MTA3: variants seen among roughly 807,000 people sequenced by gnomAD.
The protein encoded by MTA3 is metastasis associated 1 family member 3.
A neutral mutation model predicts 83.5 loss-of-function variants in MTA3; 34 were observed. The ratio of observed to expected loss-of-function variants is 0.41; its 90% CI spans 0.31 to 0.54. The LOEUF is 0.54. Among genes scored for constraint, MTA3 ranks in the 20% least tolerant of loss-of-function variants. The pLI is 0.33. For missense variants in MTA3, 761 were observed against 726.4 expected, an observed-to-expected ratio of 1.05 and a Z score of -0.55; for synonymous variants, 303 against 252.7, an observed-to-expected ratio of 1.20 and a Z score of -1.89.
At chr2:42,589,217 A>G (rs1368932435) in intron 3 of MTA3, among the ~76,000 whole-genome samples, 1 of 152,192 alleles carries the variant, frequency 6.6e-6, no homozygotes, top group Admixed American at 6.6e-5. Flanking sequence ...TAATGAAGTA[A>G]TGTTCATTAA....
chr2:42,676,618 T>A (rs1408408435), intron 8 of MTA3, among the ~76,000 whole-genome samples: 1 of 151,968 alleles, frequency 6.6e-6, no homozygotes, highest in African/African-American at 2.4e-5. Flanking sequence ...ATACAAAAAT[T>A]AGCTGGGCAT....
rs118190833 is a variant in MTA3 at position 42,687,924 on chromosome 2, A to C, written c.891+5335A>C. ...GTGTGTTTGTGTGTTTAGCACCATG[A>C]AGAAAGCCTTAGTTTCTGCAGAACA... On this transcript the variant is annotated intron_variant, in intron 9 of 16. Coordinates refer to ENST00000405094, the MANE Select transcript of MTA3 (RefSeq NM_001330442.2). Among the ~76,000 whole-genome samples, 35 of 152,298 alleles carry C rather than the reference A, an allele frequency of 2.3e-4. 1 individual carries two copies. The East Asian group carries it at 5.0e-3, about 22-fold the overall frequency.
At chr2:42,542,533 C>T (rs1676567951) in intron 2 of MTA3, among the ~76,000 whole-genome samples, 1 of 152,054 alleles carries the variant, frequency 6.6e-6, no homozygotes, top group Non-Finnish European at 1.5e-5. Flanking sequence ...TGAAATCATA[C>T]ATAATCTTTT....
intron 6 of MTA3, among the ~76,000 whole-genome samples, chr2:42,647,455 G>T (rs529253736): frequency 3.9e-4 from 60 of 152,046 alleles, no homozygotes; most frequent in Admixed American, 1.1e-3. Flanking sequence ...TTGAAGTCCT[G>T]ACTTCAAGCG....
intron 6 of MTA3, among the ~76,000 whole-genome samples, chr2:42,652,612 C>T (rs571636681): frequency 6.6e-6 from 1 of 152,306 alleles, no homozygotes; most frequent in East Asian, 1.9e-4. Flanking sequence ...TCCCAAAGTG[C>T]TGGGGTTACA....
At chr2:42,530,404 G>A (rs1316094039) in intron 2 of MTA3, among the ~76,000 whole-genome samples, 1 of 151,378 alleles carries the variant, frequency 6.6e-6, no homozygotes, top group Non-Finnish European at 1.5e-5. Context: ...GGAGAATGGC[G>A]TGAACCCAGG....
intron 8 of MTA3, among the ~76,000 whole-genome samples, chr2:42,675,712 A>C (rs886446091): frequency 1.1e-4 from 16 of 152,170 alleles, no homozygotes; most frequent in African/African-American, 3.9e-4. Context: ...GATAAACCGC[A>C]AGTCGTTGGT....
chr2:42,628,204 C>T (rs999068056), intron 4 of MTA3, among the ~76,000 whole-genome samples: 6 of 97,754 alleles, frequency 6.1e-5, no homozygotes, highest in African/African-American at 1.3e-4. Flanking sequence ...TTCTTCTTAT[C>T]GTTTTATTTA....
At chr2:42,615,936 G>A (rs1684822523) in intron 4 of MTA3, among the ~76,000 whole-genome samples, 1 of 151,526 alleles carries the variant, frequency 6.6e-6, no homozygotes, top group Non-Finnish European at 1.5e-5. Context: ...TCTCCAGGAT[G>A]TTCTTGATCT....
intron 15 of MTA3, 104 bp from the exon 16 acceptor site, chr2:42,722,785 T>A: frequency 7.5e-7 from 1 of 1,338,374 alleles, no homozygotes; most frequent in East Asian, 2.5e-5. Context: ...AGGAACTGAC[T>A]CTCAGCTCAT....
At chr2:42,552,588 C>T (rs1677165134) in intron 2 of MTA3, among the ~76,000 whole-genome samples, 1 of 147,352 alleles carries the variant, frequency 6.8e-6, no homozygotes, top group African/African-American at 2.5e-5. Flanking sequence ...GGCACCACTG[C>T]ACTACCACCT....
chr2:42,495,872 C>A (rs1422063783), intron 2 of MTA3, among the ~76,000 whole-genome samples: 1 of 152,136 alleles, frequency 6.6e-6, no homozygotes. Context: ...AGGGTCTGTT[C>A]TGAGAAACGC....
chr2:42,708,785 G>A, intron 13 of MTA3, 89 bp from the exon 14 acceptor site: 1 of 1,349,436 alleles, frequency 7.4e-7, no homozygotes, highest in South Asian at 1.3e-5. Flanking sequence ...AGATTTAAAA[G>A]TTGCACTTTT....
At chr2:42,598,577 A>C (rs1010326694) in intron 3 of MTA3, among the ~76,000 whole-genome samples, 1 of 152,060 alleles carries the variant, frequency 6.6e-6, no homozygotes, top group African/African-American at 2.4e-5. Flanking sequence ...TGTCCTCTAA[A>C]TGCTTCTTTT....
intron 4 of MTA3, 72 bp downstream of exon 4, chr2:42,609,656 T>C: frequency 4.0e-6 from 6 of 1,482,396 alleles, no homozygotes; most frequent in Non-Finnish European, 5.5e-6. Context: ...TTTGAAGCGT[T>C]TTCCAGACTC....
intron 4 of MTA3, among the ~76,000 whole-genome samples, chr2:42,628,432 C>T (rs1221883330): frequency 6.6e-6 from 1 of 151,934 alleles, no homozygotes; most frequent in African/African-American, 2.4e-5. Flanking sequence ...TGGGGTTTTG[C>T]CATGCTGGCT....
At chr2:42,687,336 T>C (rs1692472932) in intron 9 of MTA3, among the ~76,000 whole-genome samples, 1 of 152,248 alleles carries the variant, frequency 6.6e-6, no homozygotes, top group South Asian at 2.1e-4. Flanking sequence ...TTGGTTTCTT[T>C]TACTTAACAT....
chr2:42,651,724 G>A (rs879324365), intron 6 of MTA3, among the ~76,000 whole-genome samples: 6 of 151,754 alleles, frequency 4.0e-5, no homozygotes, highest in Non-Finnish European at 5.9e-5. Flanking sequence ...CATAAGCCCA[G>A]GAGATTGAAG....
chr2:42,631,117 T>G (rs553523133), intron 4 of MTA3, among the ~76,000 whole-genome samples: 1 of 152,334 alleles, frequency 6.6e-6, no homozygotes, highest in East Asian at 1.9e-4. Context: ...TTTTGTAATT[T>G]TTTTGGTAAT....
Sources: gnomAD v4.1 joint callset for allele counts (sites outside exome capture counted in the v4.1 genomes callset) on GRCh38, gnomAD v4.1.1 for gene constraint, MANE v1.5 for transcripts, NCBI Gene and HGNC (gene_info 2026-07-23, HGNC 2026-07-21) for gene names.